Variants in QTRT2 observed in about 807,000 individuals in gnomAD.
QTRT2 encodes the protein queuine tRNA-ribosyltransferase accessory subunit 2.
A neutral mutation model predicts 44.8 loss-of-function variants in QTRT2; 32 were observed. The ratio of observed to expected loss-of-function variants is 0.71; its 90% confidence interval spans 0.54 to 0.96. The LOEUF (loss-of-function observed/expected upper bound fraction) is 0.96. QTRT2 is among the 40% of genes least tolerant of loss of function. QTRT2 has a pLI of 0.00. For missense variants in QTRT2, 461 were observed against 503.1 expected (o/e 0.92, Z 0.80); for synonymous variants, 182 against 187.4 (o/e 0.97, Z 0.24).
chr3:114,083,779 G>A (rs1017683089), intron 9 of QTRT2, among the ~76,000 whole-genome samples: 6 of 152,084 alleles, frequency 3.9e-5, no homozygotes, highest in African/African-American at 1.2e-4. Context: ...GATGTCTACC[G>A]CATTTGACTT....
intron 4 of QTRT2, among the ~76,000 whole-genome samples, chr3:114,067,367 C>G (rs149429425): frequency 3.9e-5 from 6 of 152,042 alleles, no homozygotes; most frequent in African/African-American, 1.4e-4. Flanking sequence ...TTTTCCTTAA[C>G]GAAAATGTGG....
Position 114,066,212 on chromosome 3 carries a change from T to G in QTRT2, c.201-16T>G. 2.5e-6 allele frequency: 4 copies of G among 1,579,704 alleles called. No homozygotes were observed. The highest frequency in any genetic ancestry group is 3.5e-6 in the Non-Finnish European group (4 of 1,149,496). On this transcript the variant is annotated splice_polypyrimidine_tract_variant and intron_variant, in intron 3 of 9. Transcript: ENST00000281273. The stretch of plus-strand genomic sequence containing the variant: ...GACACATTATTATGTTATGTATTTT[T>G]CTGTTTTGCTTACAGAGCAGAACAT...
chr3:114,073,759 G>GT (rs2077054117), intron 6 of QTRT2, among the ~76,000 whole-genome samples: 1 of 151,668 alleles, frequency 6.6e-6, no homozygotes, highest in Admixed American at 6.6e-5. Context: ...TATTAATAGT[G>GT]CCCCCCCATT....
Position 114,079,897 on chromosome 3 carries a change from CTT to C in QTRT2, c.747-6_747-5del, listed in dbSNP as rs959796178. The stretch of plus-strand genomic sequence containing the variant: ...CCTCATGTCACTGTTCTTATTCTTA[CTT>C]TTACAGGCTCATATCTGGTGTTAGT... On this transcript the variant is annotated splice_polypyrimidine_tract_variant and splice_region_variant and intron_variant, in intron 7 of 9. Coordinates refer to ENST00000281273, the MANE Select transcript of QTRT2 (RefSeq NM_024638.4). 2 of 1,611,868 alleles carry C rather than the reference CTT, an allele frequency of 1.2e-6. No individual in the cohort carries two copies. The highest frequency in any genetic ancestry group is 2.7e-5 in the African/African-American group (2 of 74,840).
intron 8 of QTRT2, among the ~76,000 whole-genome samples, chr3:114,080,607 AT>A (rs559507792): frequency 4.6e-4 from 70 of 152,252 alleles, no homozygotes; most frequent in Admixed American, 9.2e-4. Flanking sequence ...TCAGTTTCGG[AT>A]TCTAACACTT....
chr3:114,071,247 T>G (rs924236090), intron 6 of QTRT2, among the ~76,000 whole-genome samples: 1 of 152,148 alleles, frequency 6.6e-6, no homozygotes, highest in Non-Finnish European at 1.5e-5. Context: ...CTTTTGCTCT[T>G]CCTCAATACT....
At chr3:114,056,950 A>C in intron 1 of QTRT2, 49 bp from the exon 2 acceptor site, 2 of 1,500,644 alleles carry the variant, frequency 1.3e-6, no homozygotes, top group East Asian at 4.9e-5. Context: ...GTTGTGTTGC[A>C]GTAACGGTGA....
chr3:114,082,704 A>G lies in QTRT2; in HGVS notation c.926A>G (p.Glu309Gly), dbSNP rs536788857. ...CTACAACAAAATGGAACACAAGAAG[A>G]AATAAAATGTATGGATCAAATAAAG... ...TLLQQNGTQE[E>G]IKCMDQIKKI... The change falls in exon 9 of 10, where the codon GAA becomes GGA. Residue 309 changes from glutamate (E) to glycine (G), a missense_variant. Physicochemically the swap from Glu to Gly is moderately conservative, Grantham distance 98. Transcript: ENST00000281273. 5 of 1,503,528 alleles carry G rather than the reference A, an allele frequency of 3.3e-6. No individual in the cohort carries two copies. In the African/African-American group the frequency reaches 7.0e-5, roughly 21 times the overall value. The allele number at this position is 1,503,528 out of a possible 1,614,324, so 93.1% of individuals were successfully genotyped here.
At chr3:114,066,395 AGTATTATTT>A (rs1181225923) in intron 4 of QTRT2, 112 bp downstream of exon 4, 1 of 665,248 alleles carries the variant, frequency 1.5e-6, no homozygotes, top group Non-Finnish European at 2.7e-6. Context: ...AAATTTAATA[AGTATTATTT>A]GAACATCTAA....
In QTRT2 at chr3:114,056,986, C is replaced by A; in HGVS notation, c.-129-13C>A. ...TTGTACTCCCGCCATGTCTCCTCTG[C>A]TTCCCTTTTCAGGGTGTCCTGGTGG... is the stretch of plus-strand genomic sequence containing the variant. On this transcript the variant is annotated splice_polypyrimidine_tract_variant and intron_variant, in intron 1 of 9. Transcript: ENST00000281273. 6.9e-7 allele frequency: 1 copy of A among 1,451,692 alleles called. No individual in the cohort carries two copies. The highest frequency in any genetic ancestry group is 9.0e-7 in the Non-Finnish European group (1 of 1,106,428). The allele number at this position is 1,451,692 out of a possible 1,614,324, so 89.9% of individuals were successfully genotyped here. A position where few individuals can be genotyped will look rare whatever the true frequency, so the allele number is the denominator to read the frequency against.
At chr3:114,069,946 T>G (rs750022790) in intron 5 of QTRT2, among the ~76,000 whole-genome samples, 6 of 152,194 alleles carry the variant, frequency 3.9e-5, no homozygotes, top group Admixed American at 6.5e-5. Flanking sequence ...ATACATGAAT[T>G]GGGATACTCT....
At chr3:114,061,974 G>A (rs2076892517) in intron 2 of QTRT2, among the ~76,000 whole-genome samples, 1 of 143,230 alleles carries the variant, frequency 7.0e-6, no homozygotes, top group East Asian at 2.1e-4. Flanking sequence ...GAAAAATCTT[G>A]TTATTTTCAG....
chr3:114,066,109 TCAA>T, intron 3 of QTRT2, 116 bp from the exon 4 acceptor site: 1 of 687,876 alleles, frequency 1.5e-6, no homozygotes, highest in Non-Finnish European at 2.5e-6. Flanking sequence ...ATGGTGTAAT[TCAA>T]GACAGCATTT....
rs1445127315 is a variant in QTRT2 at position 114,056,842 on chromosome 3, A to G, written c.-152A>G. 7.8e-6 allele frequency: 12 copies of G among 1,535,818 alleles called. No individual in the cohort carries two copies. Among genetic ancestry groups the G allele is most frequent in the Non-Finnish European group, 1.0e-5 (12 of 1,146,764 alleles). On this transcript the variant is annotated 5_prime_UTR_variant, in exon 1 of 10. Transcript: ENST00000281273. ...GAGTTTGAGGGGTCTGAAGACTGAA[A>G]GAGTCGAATGGTTTGTTGGCAGGTA...
intron 9 of QTRT2, chr3:114,083,002 A>G (rs1334626688): frequency 1.9e-6 from 1 of 535,142 alleles, no homozygotes; most frequent in Admixed American, 3.0e-5. Context: ...GACTGGAGCC[A>G]GGTAATGATT....
intron 2 of QTRT2, among the ~76,000 whole-genome samples, chr3:114,058,814 A>G (rs571870782): frequency 2.6e-5 from 4 of 152,282 alleles, no homozygotes; most frequent in Admixed American, 1.3e-4. Context: ...TACAGGCGTG[A>G]GCCACCGTGC....
At position 114,085,593 on chromosome 3, in the gene QTRT2, T is replaced by C; in HGVS notation, c.1017-80T>C. On this transcript the variant is annotated intron_variant, in intron 9 of 9. Coordinates refer to ENST00000281273, the MANE Select transcript of QTRT2 (RefSeq NM_024638.4). ...TGATGTTATTAACCACTGGTAACTTTACCAGCAGAATAGATAGCTGAGGTT... is the reference window on the plus strand; with the variant it reads ...TGATGTTATTAACCACTGGTAACTTCACCAGCAGAATAGATAGCTGAGGTT... The C allele has an allele frequency of 3.3e-6, 4 of 1,194,074 alleles. No homozygotes were observed. In the Middle Eastern group the frequency reaches 8.1e-4, roughly 243 times the overall value. The allele number at this position is 1,194,074 out of a possible 1,614,324, so 74.0% of individuals were successfully genotyped here.
intron 4 of QTRT2, among the ~76,000 whole-genome samples, 174 bp from the exon 5 acceptor site, chr3:114,067,813 A>T (rs946372422): frequency 6.6e-6 from 1 of 152,208 alleles, no homozygotes; most frequent in African/African-American, 2.4e-5. Context: ...TTAGATTAGT[A>T]ATCTTTTTAT....
At chr3:114,070,881 G>A (rs976363018) in intron 6 of QTRT2, 43 bp downstream of exon 6, 26 of 1,518,446 alleles carry the variant, frequency 1.7e-5, no homozygotes, top group Non-Finnish European at 2.4e-5. Context: ...TGACACTCTT[G>A]CCTCCCTTAC....
Sources: allele counts gnomAD v4.1 joint callset (sites outside exome capture counted in the v4.1 genomes callset), GRCh38; gene constraint gnomAD v4.1.1; transcripts MANE v1.5; gene names NCBI Gene and HGNC (gene_info 2026-07-23, HGNC 2026-07-21).